DPP10: variants seen among roughly 807,000 people sequenced by gnomAD.
The protein encoded by DPP10 is inactive dipeptidyl peptidase 10.
DPP10 carries 33 observed loss-of-function variants against 120.9 expected under a neutral mutation model. The observed-to-expected ratio is 0.27, with a 90% CI of 0.21 to 0.37. DPP10 has a LOEUF of 0.37. Among genes scored for constraint, DPP10 ranks in the 10% least tolerant of loss-of-function variants. The pLI, the probability that DPP10 is intolerant of heterozygous loss-of-function variation, is 1.00. For synonymous variants in DPP10, 337 were observed against 326.1 expected (o/e 1.03, Z -0.36); for missense variants, 816 against 942.8 (o/e 0.87, Z 1.76).
chr2:115,829,778 A>T (rs1688734337), intron 21 of DPP10, among the ~76,000 whole-genome samples: 1 of 151,522 alleles, frequency 6.6e-6, no homozygotes, highest in African/African-American at 2.4e-5. Flanking sequence ...TTTTATTGTA[A>T]ATTGTGTCAT....
chr2:114,457,454 C>A (rs529795173), intron 1 of DPP10, among the ~76,000 whole-genome samples: 2 of 152,136 alleles, frequency 1.3e-5, no homozygotes, highest in Non-Finnish European at 2.9e-5. Context: ...GAGGAAACTC[C>A]GGGACTAGGA....
chr2:115,423,289 C>T (rs1479956192), intron 3 of DPP10, among the ~76,000 whole-genome samples: 1 of 152,092 alleles, frequency 6.6e-6, no homozygotes, highest in African/African-American at 2.4e-5. Context: ...ACACTAGCCA[C>T]ATCTGAAGTA....
At chr2:114,955,401 C>T (rs1419880064) in intron 1 of DPP10, among the ~76,000 whole-genome samples, 4 of 152,254 alleles carry the variant, frequency 2.6e-5, no homozygotes, top group East Asian at 1.9e-4. Context: ...ATGCCTTAAC[C>T]GTCCGATAAT....
intron 1 of DPP10, among the ~76,000 whole-genome samples, chr2:115,023,446 C>A (rs976646286): frequency 2.0e-5 from 3 of 152,016 alleles, no homozygotes; most frequent in African/African-American, 7.2e-5. Flanking sequence ...AACTCAATAC[C>A]ACCTGCCTCC....
intron 3 of DPP10, among the ~76,000 whole-genome samples, chr2:115,396,094 C>T (rs2067659036): frequency 6.6e-6 from 1 of 152,112 alleles, no homozygotes; most frequent in South Asian, 2.1e-4. Context: ...GTCTTCCTGA[C>T]CCAGACCATT....
At chr2:115,385,055 C>T (rs549631873) in intron 3 of DPP10, among the ~76,000 whole-genome samples, 1 of 152,176 alleles carries the variant, frequency 6.6e-6, no homozygotes, top group Non-Finnish European at 1.5e-5. Context: ...TCACCTCCTG[C>T]CATTATTCTG....
chr2:114,559,892 A>G (rs78358942), intron 1 of DPP10, among the ~76,000 whole-genome samples: 1 of 62,004 alleles, frequency 1.6e-5, no homozygotes, highest in Non-Finnish European at 3.1e-5. Flanking sequence ...GAAAAAAAGC[A>G]AAAAAAAAAA....
chr2:115,752,581 G>T (rs1166380161), intron 10 of DPP10, among the ~76,000 whole-genome samples: 1 of 152,076 alleles, frequency 6.6e-6, no homozygotes, highest in Non-Finnish European at 1.5e-5. Flanking sequence ...ATTGGGACTG[G>T]TCCTTGGTCT....
chr2:115,279,876 G>T, intron 1 of DPP10, among the ~76,000 whole-genome samples: 1 of 151,468 alleles, frequency 6.6e-6, no homozygotes, highest in South Asian at 2.1e-4. Flanking sequence ...TGACCAGGCT[G>T]GTCTTGAACT....
chr2:114,578,242 A>C (rs527686644), intron 1 of DPP10, among the ~76,000 whole-genome samples: 1 of 152,332 alleles, frequency 6.6e-6, no homozygotes, highest in South Asian at 2.1e-4. Context: ...TATGTAATGC[A>C]CAAGTATATT....
chr2:114,517,028 T>A lies in DPP10; in HGVS notation c.60+74190T>A, dbSNP rs182731025. 1.5e-3 allele frequency among the ~76,000 whole-genome samples: 228 copies of A among 152,342 alleles called. 1 individual carries two copies. The highest frequency in any genetic ancestry group is 2.7e-3 in the South Asian group (13 of 4,830). ...CCATCAGTTTCTCTAAATGCATTTT[T>A]TTTTTCTAACTAACTTTAGGGTATT... On this transcript the variant is annotated intron_variant, in intron 1 of 25. Transcript: ENST00000410059.
chr2:114,576,129 G>A (rs1210399617), intron 1 of DPP10, among the ~76,000 whole-genome samples: 1 of 152,198 alleles, frequency 6.6e-6, no homozygotes, highest in Non-Finnish European at 1.5e-5. Flanking sequence ...GTGCCAAGAT[G>A]GTGGTGGTGG....
chr2:115,762,657 G>A (rs1409743230), intron 12 of DPP10, 47 bp downstream of exon 12: 1 of 1,603,822 alleles, frequency 6.2e-7, no homozygotes, highest in South Asian at 1.1e-5. Flanking sequence ...TGACCATCCT[G>A]TTCACCCATT....
At chr2:114,661,361 A>G (rs2105549155) in intron 1 of DPP10, among the ~76,000 whole-genome samples, 1 of 152,344 alleles carries the variant, frequency 6.6e-6, no homozygotes, top group African/African-American at 2.4e-5. Context: ...TAGATGTCAT[A>G]CTACATGCAT....
intron 1 of DPP10, among the ~76,000 whole-genome samples, chr2:115,274,373 A>G (rs1489854690): frequency 6.6e-6 from 1 of 152,112 alleles, no homozygotes; most frequent in Non-Finnish European, 1.5e-5. Flanking sequence ...TTACATTGCC[A>G]TCCTCTCTTT....
Position 115,280,914 on chromosome 2 carries a change from C to T in DPP10, c.61-28325C>T, listed in dbSNP as rs528907180. ...CTTGAGAATTCTATCCTATCTTCCA[C>T]AAAAGCTATCATTGAAATAGCTGTG... On this transcript the variant is annotated intron_variant, in intron 1 of 25. Transcript: ENST00000410059. 2.6e-5 allele frequency among the ~76,000 whole-genome samples: 4 copies of T among 152,256 alleles called. No homozygotes were observed. The South Asian group carries it at 8.3e-4, about 32-fold the overall frequency.
chr2:115,464,028 C>T (rs867032015), intron 3 of DPP10, among the ~76,000 whole-genome samples: 1 of 152,072 alleles, frequency 6.6e-6, no homozygotes, highest in Non-Finnish European at 1.5e-5. Flanking sequence ...CCAAGCTCTT[C>T]GTGGCTCATG....
At chr2:114,669,347 G>A (rs904367923) in intron 1 of DPP10, among the ~76,000 whole-genome samples, 1 of 152,146 alleles carries the variant, frequency 6.6e-6, no homozygotes, top group African/African-American at 2.4e-5. Context: ...GTAGGTGTAT[G>A]TGTGATTGTT....
chr2:114,945,682 G>C (rs952994716), intron 1 of DPP10, among the ~76,000 whole-genome samples: 2 of 152,020 alleles, frequency 1.3e-5, no homozygotes, highest in East Asian at 3.9e-4. Context: ...TGGGCATGGC[G>C]GCGGACACCT....
Sources: allele counts gnomAD v4.1 joint callset (sites outside exome capture counted in the v4.1 genomes callset), GRCh38; gene constraint gnomAD v4.1.1; transcripts MANE v1.5; gene names NCBI Gene and HGNC (gene_info 2026-07-23, HGNC 2026-07-21).